SLC35F1: variants seen among roughly 807,000 people sequenced by gnomAD.
SLC35F1 encodes the protein solute carrier family 35 member F1.
In SLC35F1, 14 loss-of-function variants were observed where a neutral mutation model predicts 48.7. The observed-to-expected ratio is 0.29, with a 90% CI of 0.19 to 0.45. SLC35F1 has a LOEUF of 0.45. Among genes scored for constraint, SLC35F1 ranks in the 20% least tolerant of loss-of-function variants. SLC35F1 has a pLI of 1.00. For synonymous variants in SLC35F1, 190 were observed against 202.2 expected (o/e 0.94, Z 0.51); for missense variants, 404 against 500.0 (o/e 0.81, Z 1.83).
intron 1 of SLC35F1, among the ~76,000 whole-genome samples, chr6:118,060,490 G>T (rs555828572): frequency 6.6e-6 from 1 of 151,886 alleles, no homozygotes; most frequent in African/African-American, 2.4e-5. Context: ...CTACACAAAG[G>T]ATACCCACAT....
In SLC35F1 at chr6:118,165,897, A is replaced by G. The variant is rs1774310754; in HGVS notation, c.349+11277A>G. Among the ~76,000 whole-genome samples, 3 of 152,212 alleles carry G rather than the reference A, an allele frequency of 2.0e-5. No homozygotes were observed. The South Asian group carries it at 6.2e-4, about 32-fold the overall frequency. On this transcript the variant is annotated intron_variant, in intron 2 of 7. Transcript: ENST00000360388. ...GAGGGAAAATTGGGTCACTGTTTAT[A>G]ACCAGAATTCCAAATCTCCACCAAT...
intron 2 of SLC35F1, among the ~76,000 whole-genome samples, chr6:118,183,830 C>CCATA (rs1442367344): frequency 6.6e-6 from 1 of 152,154 alleles, no homozygotes; most frequent in Non-Finnish European, 1.5e-5. Context: ...TTTCTTCCAG[C>CCATA]CATAATCTTT....
chr6:117,973,946 A>G (rs973384095), intron 1 of SLC35F1, among the ~76,000 whole-genome samples: 1 of 152,166 alleles, frequency 6.6e-6, no homozygotes, highest in Admixed American at 6.5e-5. Flanking sequence ...GAATCTTGAC[A>G]TTGCTTTGGG....
intron 2 of SLC35F1, among the ~76,000 whole-genome samples, chr6:118,165,954 T>G (rs1774311520): frequency 1.3e-5 from 2 of 152,182 alleles, no homozygotes; most frequent in African/African-American, 4.8e-5. Context: ...AACACATCCC[T>G]GTTAAGGCCA....
At chr6:118,247,532 C>A (rs1455344249) in intron 3 of SLC35F1, among the ~76,000 whole-genome samples, 2 of 152,106 alleles carry the variant, frequency 1.3e-5, no homozygotes, top group East Asian at 1.9e-4. Flanking sequence ...TATATTTTTG[C>A]AAATTATTTA....
At position 117,990,863 on chromosome 6, in the gene SLC35F1, C is replaced by T. The variant is rs115731202; in HGVS notation, c.173+82964C>T. On this transcript the variant is annotated intron_variant, in intron 1 of 7. Transcript: ENST00000360388. The stretch of plus-strand genomic sequence containing the variant: ...GTATTAGCTGCAGTTGGAGTGTTGG[C>T]TCCATCCACCAGTCTGCGGCTGGTT... 7.6e-3 allele frequency among the ~76,000 whole-genome samples: 1,160 copies of T among 152,246 alleles called. 15 individuals are homozygous for T. Among genetic ancestry groups the T allele is most frequent in the African/African-American group, 0.026 (1,099 of 41,530 alleles).
chr6:117,928,675 T>G (rs544517140), intron 1 of SLC35F1, among the ~76,000 whole-genome samples: 1 of 152,310 alleles, frequency 6.6e-6, no homozygotes, highest in African/African-American at 2.4e-5. Flanking sequence ...TACAGTGCAC[T>G]GTGAGATTCC....
chr6:118,266,195 G>A (rs576670019), intron 3 of SLC35F1, among the ~76,000 whole-genome samples: 1 of 152,208 alleles, frequency 6.6e-6, no homozygotes, highest in African/African-American at 2.4e-5. Context: ...CAGGTCTTCT[G>A]GCTCCTAGCA....
chr6:118,049,789 T>C (rs1015063679), intron 1 of SLC35F1, among the ~76,000 whole-genome samples: 3 of 151,864 alleles, frequency 2.0e-5, no homozygotes, highest in Admixed American at 2.0e-4. Flanking sequence ...AATTCAACCA[T>C]TGTGGAAGTC....
At chr6:118,180,220 G>A (rs1285285157) in intron 2 of SLC35F1, among the ~76,000 whole-genome samples, 2 of 152,052 alleles carry the variant, frequency 1.3e-5, no homozygotes, top group Non-Finnish European at 2.9e-5. Flanking sequence ...GTTTCCCTAG[G>A]TGTTTGGCAT....
intron 1 of SLC35F1, among the ~76,000 whole-genome samples, chr6:118,052,533 C>T (rs1246107863): frequency 6.6e-6 from 1 of 152,094 alleles, no homozygotes; most frequent in East Asian, 1.9e-4. Context: ...AAGTGGAAAC[C>T]AGCACAGAAT....
At chr6:118,149,421 G>A (rs958956718) in intron 1 of SLC35F1, among the ~76,000 whole-genome samples, 3 of 152,174 alleles carry the variant, frequency 2.0e-5, no homozygotes, top group South Asian at 2.1e-4. Flanking sequence ...AATAGAGAAC[G>A]AAAGAGAATT....
intron 1 of SLC35F1, among the ~76,000 whole-genome samples, chr6:117,921,456 G>T (rs1413689205): frequency 6.6e-6 from 1 of 152,180 alleles, no homozygotes; most frequent in African/African-American, 2.4e-5. Context: ...CTCTTTTTTA[G>T]CTGTTCTAAC....
chr6:118,209,873 T>A (rs1211191590), intron 2 of SLC35F1, among the ~76,000 whole-genome samples: 1 of 152,200 alleles, frequency 6.6e-6, no homozygotes, highest in African/African-American at 2.4e-5. Flanking sequence ...GACTTTCCAA[T>A]ATTTCTCTTA....
chr6:118,032,046 T>C (rs1209420223), intron 1 of SLC35F1, among the ~76,000 whole-genome samples: 3 of 152,198 alleles, frequency 2.0e-5, no homozygotes, highest in African/African-American at 7.2e-5. Context: ...GAAGTTCTTA[T>C]GCAGATAGCT....
intron 2 of SLC35F1, among the ~76,000 whole-genome samples, chr6:118,219,004 CTT>C (rs1387028566): frequency 6.6e-6 from 1 of 152,048 alleles, no homozygotes; most frequent in Admixed American, 6.5e-5. Flanking sequence ...GTTTTAAAAA[CTT>C]ATAATATTTT....
intron 7 of SLC35F1, among the ~76,000 whole-genome samples, chr6:118,308,624 G>A (rs1162762185): frequency 2.0e-5 from 3 of 152,068 alleles, no homozygotes; most frequent in South Asian, 2.1e-4. Context: ...TAAAAATATG[G>A]GAAAGTTTAA....
intron 1 of SLC35F1, among the ~76,000 whole-genome samples, chr6:118,032,489 G>A (rs903901849): frequency 6.6e-6 from 1 of 152,186 alleles, no homozygotes; most frequent in Non-Finnish European, 1.5e-5. Flanking sequence ...GATGCCTTGA[G>A]AGAAAACATC....
intron 1 of SLC35F1, among the ~76,000 whole-genome samples, chr6:118,015,109 C>A (rs1340868318): frequency 6.6e-6 from 1 of 152,158 alleles, no homozygotes; most frequent in Non-Finnish European, 1.5e-5. Flanking sequence ...TTCCCTGTTG[C>A]CACGTAAGAC....
Sources: gnomAD v4.1 joint callset for allele counts (sites outside exome capture counted in the v4.1 genomes callset) on GRCh38, gnomAD v4.1.1 for gene constraint, MANE v1.5 for transcripts, NCBI Gene and HGNC (gene_info 2026-07-23, HGNC 2026-07-21) for gene names.